Variants in STIM1 observed in about 807,000 individuals in gnomAD.
The protein encoded by STIM1 is stromal interaction molecule 1.
Under a neutral mutation model 74.7 loss-of-function variants are expected in STIM1, and 25 were observed. The ratio of observed to expected loss-of-function variants is 0.33; its 90% CI spans 0.24 to 0.47. The LOEUF (loss-of-function observed/expected upper bound fraction) is 0.47, where lower values mean the gene tolerates loss of function less well. Among genes scored for constraint, STIM1 ranks in the 20% least tolerant of loss-of-function variants. STIM1 has a pLI of 1.00. For missense variants in STIM1, 728 were observed against 920.8 expected (o/e 0.79, Z 2.71); for synonymous variants, 328 against 348.8 (o/e 0.94, Z 0.66).
At chr11:4,017,249 T>G (rs572950169) in intron 2 of STIM1, among the ~76,000 whole-genome samples, 3 of 152,370 alleles carry the variant, frequency 2.0e-5, no homozygotes, top group African/African-American at 7.2e-5. Flanking sequence ...GCCTGATTGT[T>G]GCAGCTTCAT....
intron 2 of STIM1, among the ~76,000 whole-genome samples, chr11:4,004,931 C>T (rs1466021222): frequency 6.6e-6 from 1 of 152,162 alleles, no homozygotes. Flanking sequence ...AGGATATGAA[C>T]AGACACTTCT....
chr11:3,956,962 T>G lies in STIM1; in HGVS notation c.140-10590T>G, dbSNP rs112290189. On this transcript the variant is annotated intron_variant, in intron 1 of 12. Transcript: ENST00000526596. ...ATGTGTCAGGCACTGTACGAGTCCC[T>G]TGGGATACTGCAGTGAGCAAAAAAG... Among the ~76,000 whole-genome samples the G allele has an allele frequency of 8.7e-3, 1,316 of 152,046 alleles. 16 individuals carry two copies. Among genetic ancestry groups the G allele is most frequent in the African/African-American group, 0.03 (1,239 of 41,492 alleles).
chr11:3,888,451 G>A (rs1005234084), intron 1 of STIM1, among the ~76,000 whole-genome samples: 1 of 152,166 alleles, frequency 6.6e-6, no homozygotes, highest in African/African-American at 2.4e-5. Flanking sequence ...GGGCAGTATA[G>A]GAAATGTGAG....
chr11:3,941,591 G>GTC (rs1338567007), intron 1 of STIM1, among the ~76,000 whole-genome samples: 5 of 139,482 alleles, frequency 3.6e-5, no homozygotes, highest in Non-Finnish European at 7.7e-5. Flanking sequence ...ATATATGTGT[G>GTC]TGTGTGTGTG....
intron 3 of STIM1, among the ~76,000 whole-genome samples, chr11:4,047,818 C>G (rs1279621869): frequency 7.9e-6 from 1 of 126,912 alleles, no homozygotes; most frequent in Non-Finnish European, 1.7e-5. Context: ...AGACCTGTCT[C>G]TCTTTTTTTT....
At chr11:4,019,632 C>T (rs1203646126) in intron 2 of STIM1, among the ~76,000 whole-genome samples, 3 of 152,004 alleles carry the variant, frequency 2.0e-5, no homozygotes, top group African/African-American at 7.2e-5. Flanking sequence ...TCAAAAACAA[C>T]AACAACAAAA....
At chr11:3,892,990 G>A in intron 1 of STIM1, 1 of 704,366 alleles carries the variant, frequency 1.4e-6, no homozygotes, top group East Asian at 2.7e-5. Flanking sequence ...GGCTGGTCTT[G>A]AACTCCTGAG....
chr11:3,872,607 C>T (rs984418185), intron 1 of STIM1, among the ~76,000 whole-genome samples: 22 of 150,486 alleles, frequency 1.5e-4, no homozygotes, highest in Admixed American at 6.6e-4. Context: ...CTGCAAGCTC[C>T]GGCTCCCGGG....
intron 2 of STIM1, among the ~76,000 whole-genome samples, chr11:4,022,743 C>T (rs1462821032): frequency 6.6e-6 from 1 of 152,188 alleles, no homozygotes; most frequent in Non-Finnish European, 1.5e-5. Flanking sequence ...ACAGCTGGGG[C>T]TACTCACACA....
intron 2 of STIM1, among the ~76,000 whole-genome samples, chr11:4,014,915 C>G (rs2093880481): frequency 6.6e-6 from 1 of 152,214 alleles, no homozygotes; most frequent in African/African-American, 2.4e-5. Flanking sequence ...GGATCTTCCT[C>G]TATCCCTTTA....
intron 2 of STIM1, among the ~76,000 whole-genome samples, chr11:3,996,981 G>A (rs2093668692): frequency 6.6e-6 from 1 of 152,142 alleles, no homozygotes; most frequent in Admixed American, 6.5e-5. Context: ...ATCTATTTCT[G>A]TCCTCCTTTC....
intron 1 of STIM1, among the ~76,000 whole-genome samples, chr11:3,964,322 G>A (rs2093319270): frequency 6.6e-6 from 1 of 152,228 alleles, no homozygotes; most frequent in Admixed American, 6.5e-5. Flanking sequence ...GACTGCTTAG[G>A]ACATGCTTGG....
At position 4,083,394 on chromosome 11, in the gene STIM1, A is replaced by T; in HGVS notation, c.1370A>T (p.Asp457Val). The T allele has an allele frequency of 6.2e-7, 1 of 1,614,148 alleles. No homozygotes were observed. Among genetic ancestry groups the T allele is most frequent in the Non-Finnish European group, 8.5e-7 (1 of 1,180,034 alleles). Residue 457 changes from aspartate to valine, a missense_variant, in exon 10 of 13, where the codon GAC becomes GTC. Asp to Val is a radical substitution (Grantham distance 152). Around this residue, in one of 5 missense-constraint regions of STIM1, gnomAD observed 352 missense variants for 370.1 expected, o/e 0.95. Coordinates refer to ENST00000526596, the MANE Select transcript of STIM1 (RefSeq NM_001382567.1). ...TCACTGGTGGCTGCCCTCAACATAG[A>T]CCCCAGCTGGATGGGCAGTACACGC... ...IHSLVAALNI[D>V]PSWMGSTRPN...
At chr11:3,913,815 G>A (rs1448451028) in intron 1 of STIM1, among the ~76,000 whole-genome samples, 1 of 152,130 alleles carries the variant, frequency 6.6e-6, no homozygotes, top group Non-Finnish European at 1.5e-5. Flanking sequence ...CCCGCTGGCA[G>A]CCACCAATAG....
chr11:4,003,268 G>A (rs376558547), intron 2 of STIM1, among the ~76,000 whole-genome samples: 146 of 146,874 alleles, frequency 9.9e-4, no homozygotes, highest in Non-Finnish European at 1.4e-3. Context: ...TACCAAAGCC[G>A]GGCAGAGACA....
At chr11:4,063,392 G>A (rs2094344595) in intron 5 of STIM1, among the ~76,000 whole-genome samples, 1 of 152,144 alleles carries the variant, frequency 6.6e-6, no homozygotes, top group African/African-American at 2.4e-5. Context: ...TGGCAATCCT[G>A]TGTTGATCAA....
intron 1 of STIM1, among the ~76,000 whole-genome samples, chr11:3,933,927 A>G (rs1004387392): frequency 2.6e-5 from 4 of 152,162 alleles, no homozygotes; most frequent in African/African-American, 9.7e-5. Flanking sequence ...AGCCTCCCTC[A>G]GCCTTTCTAA....
chr11:3,919,654 G>C (rs1478995801), intron 1 of STIM1, among the ~76,000 whole-genome samples: 2 of 152,164 alleles, frequency 1.3e-5, no homozygotes, highest in Non-Finnish European at 2.9e-5. Flanking sequence ...GGCTCTATAT[G>C]GTACGGTGTA....
rs575434178 is a variant in STIM1 at position 3,948,959 on chromosome 11, T to C, written c.140-18593T>C. Among the ~76,000 whole-genome samples, 72 of 152,374 alleles carry C rather than the reference T, an allele frequency of 4.7e-4. 2 individuals carry two copies. Among genetic ancestry groups the C allele is most frequent in the African/African-American group, 1.7e-3 (69 of 41,584 alleles). Reference sequence around the variant, plus strand: ...TACAACAAAAATAACATGGTAATAATTGAACACTTACTATGTGCCATGCTC... The same window carrying C: ...TACAACAAAAATAACATGGTAATAACTGAACACTTACTATGTGCCATGCTC... On this transcript the variant is annotated intron_variant, in intron 1 of 12. Coordinates refer to ENST00000526596, the MANE Select transcript of STIM1 (RefSeq NM_001382567.1).
Sources: gnomAD v4.1 joint callset for allele counts (sites outside exome capture counted in the v4.1 genomes callset) on GRCh38, gnomAD v4.1.1 for gene constraint, gnomAD v4.1.1 regional missense constraint, MANE v1.5 for transcripts, NCBI Gene and HGNC (gene_info 2026-07-23, HGNC 2026-07-21) for gene names.